GALNT17: variants seen among roughly 807,000 people sequenced by gnomAD.
GALNT17 encodes the protein polypeptide N-acetylgalactosaminyltransferase 17.
GALNT17 carries 29 observed loss-of-function variants against 63.7 expected under a neutral mutation model. That is an observed-to-expected ratio of 0.46 (90% CI 0.34 to 0.62). GALNT17 has a LOEUF of 0.62. GALNT17 is among the 20% of genes least tolerant of loss of function. The probability of loss-of-function intolerance (pLI) is 0.01; values close to 1 mark genes in which losing one functional copy is unlikely to be tolerated. For missense variants in GALNT17, 603 were observed against 799.6 expected (o/e 0.75, Z 2.97); for synonymous variants, 305 against 318.3 (o/e 0.96, Z 0.45).
intron 3 of GALNT17, among the ~76,000 whole-genome samples, chr7:71,399,904 T>G (rs1214949664): frequency 6.6e-6 from 1 of 152,200 alleles, no homozygotes; most frequent in African/African-American, 2.4e-5. Flanking sequence ...TGTTTATATA[T>G]TTTTTAGAGG....
Position 71,426,371 on chromosome 7 carries a change from C to T in GALNT17, c.962+5266C>T, listed in dbSNP as rs145062723. 9.7e-3 allele frequency among the ~76,000 whole-genome samples: 1,477 copies of T among 152,310 alleles called. 52 individuals carry two copies. The highest frequency in any genetic ancestry group is 7.2e-3 in the Non-Finnish European group (488 of 68,032). On this transcript the variant is annotated intron_variant, in intron 5 of 10. Transcript: ENST00000333538. ...TTGTGCAGCACTGACCCAGCTCTTGCCTCTGTGTAGAGAAGCTTCTTAAAT... is the reference window on the plus strand; with the variant it reads ...TTGTGCAGCACTGACCCAGCTCTTGTCTCTGTGTAGAGAAGCTTCTTAAAT...
chr7:71,339,044 T>C (rs191322636), intron 2 of GALNT17, among the ~76,000 whole-genome samples: 98 of 152,354 alleles, frequency 6.4e-4, no homozygotes, highest in African/African-American at 2.3e-3. Flanking sequence ...GCTCTCTCAT[T>C]AGCCTTTCTT....
At chr7:71,638,848 C>T (rs1263150262) in intron 6 of GALNT17, among the ~76,000 whole-genome samples, 2 of 152,094 alleles carry the variant, frequency 1.3e-5, no homozygotes, top group Admixed American at 6.6e-5. Context: ...GCAAACATCG[C>T]ATGGTCTCAC....
intron 1 of GALNT17, among the ~76,000 whole-genome samples, chr7:71,295,460 C>T (rs1465035918): frequency 2.6e-5 from 4 of 152,012 alleles, no homozygotes; most frequent in Non-Finnish European, 5.9e-5. Context: ...TTTTGTTTCT[C>T]TCTGTCTCTC....
intron 9 of GALNT17, among the ~76,000 whole-genome samples, chr7:71,699,520 A>T (rs1211881597): frequency 2.6e-5 from 4 of 151,452 alleles, no homozygotes; most frequent in Non-Finnish European, 5.9e-5. Flanking sequence ...CCCTCAGGAG[A>T]GTGAAATGTT....
At chr7:71,218,164 C>T (rs1468284025) in intron 1 of GALNT17, among the ~76,000 whole-genome samples, 11 of 152,196 alleles carry the variant, frequency 7.2e-5, no homozygotes, top group African/African-American at 1.9e-4. Flanking sequence ...GAGGCCGAGG[C>T]GGATGGATCA....
At chr7:71,207,406 T>C (rs1286489132) in intron 1 of GALNT17, among the ~76,000 whole-genome samples, 1 of 152,198 alleles carries the variant, frequency 6.6e-6, no homozygotes, top group Non-Finnish European at 1.5e-5. Context: ...CCCATGTCCT[T>C]ATCTTCTGTT....
chr7:71,339,420 C>G (rs1334069746), intron 2 of GALNT17, among the ~76,000 whole-genome samples: 2 of 152,178 alleles, frequency 1.3e-5, no homozygotes, highest in African/African-American at 4.8e-5. Context: ...GGCGTGGTGG[C>G]TCACGCCTGT....
chr7:71,170,569 C>T (rs1277328462), intron 1 of GALNT17, among the ~76,000 whole-genome samples: 1 of 152,110 alleles, frequency 6.6e-6, no homozygotes, highest in Non-Finnish European at 1.5e-5. Flanking sequence ...CTCCTGACCT[C>T]AGGAGATCCT....
At chr7:71,248,927 G>C (rs937661757) in intron 1 of GALNT17, among the ~76,000 whole-genome samples, 1 of 152,082 alleles carries the variant, frequency 6.6e-6, no homozygotes, top group African/African-American at 2.4e-5. Flanking sequence ...CCATCTTCTT[G>C]CCTCTTCTCT....
chr7:71,642,041 C>A (rs1214611982), intron 6 of GALNT17, among the ~76,000 whole-genome samples: 3 of 152,166 alleles, frequency 2.0e-5, no homozygotes, highest in Non-Finnish European at 2.9e-5. Flanking sequence ...GTGTCCCCAG[C>A]ATCAGCTGTC....
chr7:71,636,324 A>C (rs1790528333), intron 6 of GALNT17, among the ~76,000 whole-genome samples: 1 of 152,138 alleles, frequency 6.6e-6, no homozygotes, highest in South Asian at 2.1e-4. Context: ...AGAACACTGC[A>C]GTTCTCTGGG....
chr7:71,621,547 ATGGATAGATG>A (rs1411565338), intron 6 of GALNT17, among the ~76,000 whole-genome samples: 14 of 143,808 alleles, frequency 9.7e-5, no homozygotes, highest in African/African-American at 3.5e-4. Context: ...TGATGGATTG[ATGGATAGATG>A]GATGGATGGA....
At chr7:71,438,316 C>T (rs536641572) in intron 5 of GALNT17, among the ~76,000 whole-genome samples, 2 of 152,286 alleles carry the variant, frequency 1.3e-5, no homozygotes, top group East Asian at 3.9e-4. Flanking sequence ...AAGATGCAGT[C>T]TGGGAGGCTA....
chr7:71,346,749 G>C (rs1038092557), intron 2 of GALNT17, among the ~76,000 whole-genome samples: 1 of 149,816 alleles, frequency 6.7e-6, no homozygotes, highest in African/African-American at 2.5e-5. Context: ...TGCCTGTTGG[G>C]GGGGCGGGGG....
At chr7:71,691,324 C>T (rs2117094480) in intron 9 of GALNT17, among the ~76,000 whole-genome samples, 1 of 152,160 alleles carries the variant, frequency 6.6e-6, no homozygotes, top group East Asian at 1.9e-4. Context: ...AAGCTATGCA[C>T]ATTTTTAAAA....
rs554873222 is a variant in GALNT17 at position 71,694,642 on chromosome 7, C to T, written c.1501-16119C>T. Among the ~76,000 whole-genome samples, 36 of 152,290 alleles carry T rather than the reference C, an allele frequency of 2.4e-4. No homozygotes were observed. The South Asian group carries it at 4.6e-3, about 19-fold the overall frequency. ...AACTTCTGACCTCAAGTGATTCGCC[C>T]GCCTCGGCCTCCTAAAGTGCTGGGA... On this transcript the variant is annotated intron_variant, in intron 9 of 10. Transcript: ENST00000333538.
chr7:71,673,684 G>C (rs533112126), intron 8 of GALNT17, among the ~76,000 whole-genome samples: 29 of 152,276 alleles, frequency 1.9e-4, no homozygotes, highest in African/African-American at 6.3e-4. Context: ...GCACAATCTT[G>C]GCTCACTGTA....
At chr7:71,554,627 C>A (rs553344967) in intron 5 of GALNT17, among the ~76,000 whole-genome samples, 1 of 152,326 alleles carries the variant, frequency 6.6e-6, no homozygotes, top group Admixed American at 6.5e-5. Flanking sequence ...CATTCCTGCC[C>A]CACTGCCCAT....
Sources: allele counts gnomAD v4.1 joint callset (sites outside exome capture counted in the v4.1 genomes callset), GRCh38; gene constraint gnomAD v4.1.1; transcripts MANE v1.5; gene names NCBI Gene and HGNC (gene_info 2026-07-23, HGNC 2026-07-21).